CFAP299: variants seen among roughly 807,000 people sequenced by gnomAD.
The protein encoded by CFAP299 is cilia and flagella associated protein 299.
CFAP299 carries 21 observed loss-of-function variants against 27.0 expected under a neutral mutation model. The observed-to-expected ratio is 0.78, with a 90% CI of 0.55 to 1.12. The LOEUF (loss-of-function observed/expected upper bound fraction) is 1.12, where lower values mean the gene tolerates loss of function less well. Among genes scored for constraint, CFAP299 ranks in the 50% most tolerant of loss-of-function variants. CFAP299 has a pLI of 0.00. For synonymous variants in CFAP299, 104 were observed against 98.1 expected (o/e 1.06, Z -0.36); for missense variants, 310 against 276.6 (o/e 1.12, Z -0.86).
chr4:80,782,655 T>A (rs1380591977), intron 3 of CFAP299, among the ~76,000 whole-genome samples: 1 of 125,706 alleles, frequency 8.0e-6, no homozygotes, highest in Admixed American at 8.2e-5. Flanking sequence ...TATGAATATA[T>A]AATATATTCA....
chr4:80,524,411 G>T (rs563460211), intron 2 of CFAP299, among the ~76,000 whole-genome samples: 7 of 151,910 alleles, frequency 4.6e-5, no homozygotes, highest in Admixed American at 2.0e-4. Flanking sequence ...CGTATTACAG[G>T]ATGTTTAGCA....
chr4:80,634,927 C>G (rs1485484465), intron 3 of CFAP299, among the ~76,000 whole-genome samples: 2 of 151,826 alleles, frequency 1.3e-5, no homozygotes, highest in Non-Finnish European at 2.9e-5. Context: ...CTTTGTCTAA[C>G]CTGAAATAAA....
At chr4:80,762,975 G>T (rs1358177912) in intron 3 of CFAP299, among the ~76,000 whole-genome samples, 1 of 152,098 alleles carries the variant, frequency 6.6e-6, no homozygotes, top group Non-Finnish European at 1.5e-5. Context: ...CTTTCCACAG[G>T]TGTTAATCCC....
At chr4:80,874,835 C>A (rs879467922) in intron 4 of CFAP299, among the ~76,000 whole-genome samples, 1 of 151,896 alleles carries the variant, frequency 6.6e-6, no homozygotes, top group Non-Finnish European at 1.5e-5. Flanking sequence ...ATATGGCCAC[C>A]GAGTACTTGA....
chr4:80,880,672 G>A (rs569641626), intron 4 of CFAP299, among the ~76,000 whole-genome samples: 302 of 152,162 alleles, frequency 2.0e-3, no homozygotes, highest in Non-Finnish European at 2.4e-3. Context: ...GTTGCAGTGC[G>A]CCAAGATCAC....
intron 3 of CFAP299, among the ~76,000 whole-genome samples, chr4:80,640,832 A>G (rs1444725223): frequency 6.6e-6 from 1 of 152,186 alleles, no homozygotes; most frequent in African/African-American, 2.4e-5. Context: ...GAAAGTGACA[A>G]CTTCTGCAGT....
chr4:80,942,679 G>A (rs1272405099), intron 4 of CFAP299, among the ~76,000 whole-genome samples: 1 of 151,954 alleles, frequency 6.6e-6, no homozygotes, highest in African/African-American at 2.4e-5. Context: ...TTTTAATTTG[G>A]GGTCTGAGCA....
chr4:80,693,968 A>G (rs548421725), intron 3 of CFAP299, among the ~76,000 whole-genome samples: 40 of 152,264 alleles, frequency 2.6e-4, no homozygotes, highest in African/African-American at 9.1e-4. Context: ...AAATGTAGTC[A>G]CTGAGGAAAT....
At chr4:80,499,666 A>G (rs990865656) in intron 2 of CFAP299, among the ~76,000 whole-genome samples, 2 of 152,062 alleles carry the variant, frequency 1.3e-5, no homozygotes, top group African/African-American at 4.8e-5. Context: ...ATTCATTTTC[A>G]GTATTTTTTG....
chr4:80,458,799 A>C (rs371738282), intron 2 of CFAP299, among the ~76,000 whole-genome samples: 1 of 152,076 alleles, frequency 6.6e-6, no homozygotes, highest in Non-Finnish European at 1.5e-5. Context: ...GCCCCAGACC[A>C]TTAAGGATGC....
intron 3 of CFAP299, among the ~76,000 whole-genome samples, chr4:80,670,163 C>A (rs1249909627): frequency 6.6e-6 from 1 of 151,886 alleles, no homozygotes; most frequent in Non-Finnish European, 1.5e-5. Flanking sequence ...GACAGACCCC[C>A]ATGTGTGATG....
chr4:80,691,831 G>T (rs569648958), intron 3 of CFAP299, among the ~76,000 whole-genome samples: 2 of 152,178 alleles, frequency 1.3e-5, no homozygotes, highest in African/African-American at 4.8e-5. Context: ...AAGCTGATAA[G>T]CAAATTCAGC....
the CFAP299 span, among the ~76,000 whole-genome samples, chr4:80,321,590 C>G: frequency 6.6e-6 from 1 of 152,158 alleles, no homozygotes; most frequent in Non-Finnish European, 1.5e-5. Flanking sequence ...GTACCTGAGC[C>G]AGGGGGAGGT....
chr4:80,402,700 T>C (rs1391734707), intron 2 of CFAP299, among the ~76,000 whole-genome samples: 2 of 152,204 alleles, frequency 1.3e-5, no homozygotes, highest in Non-Finnish European at 2.9e-5. Context: ...GACTCTAGCT[T>C]TCTGGTATCA....
chr4:80,337,546 C>T (rs900472443), intron 1 of CFAP299, among the ~76,000 whole-genome samples: 6 of 151,936 alleles, frequency 3.9e-5, no homozygotes, highest in African/African-American at 1.5e-4. Flanking sequence ...TACAGGTCTG[C>T]ACCACCATAC....
chr4:80,638,402 C>T (rs1739562694), intron 3 of CFAP299, among the ~76,000 whole-genome samples: 1 of 152,118 alleles, frequency 6.6e-6, no homozygotes, highest in African/African-American at 2.4e-5. Context: ...TTTAGCCATG[C>T]TTCTTGGGTC....
chr4:80,474,687 T>C (rs1479934551), intron 2 of CFAP299, among the ~76,000 whole-genome samples: 3 of 152,230 alleles, frequency 2.0e-5, no homozygotes, highest in Admixed American at 2.0e-4. Flanking sequence ...TTCAGTATTT[T>C]ATAGTAATAC....
At chr4:80,462,403 C>T (rs1051352942) in intron 2 of CFAP299, among the ~76,000 whole-genome samples, 6 of 152,112 alleles carry the variant, frequency 3.9e-5, no homozygotes, top group African/African-American at 1.4e-4. Flanking sequence ...GTCCCCATTG[C>T]CCCACTAAGC....
At chr4:80,413,750 C>CTTTTTTTTTTTTTTTTTTTTTTTTTTTTT (rs66780627) in intron 2 of CFAP299, among the ~76,000 whole-genome samples, 11 of 108,308 alleles carry the variant, frequency 1.0e-4, no homozygotes, top group African/African-American at 1.4e-4. Context: ...TTGTGTCATT[C>CTTTTTTTTTTTTTTTTTTTTTTTTTTTTT]TTTTTTTTTT....
Sources: allele counts gnomAD v4.1 joint callset (sites outside exome capture counted in the v4.1 genomes callset), GRCh38; gene constraint gnomAD v4.1.1; transcripts MANE v1.5; gene names NCBI Gene and HGNC (gene_info 2026-07-23, HGNC 2026-07-21).